WWOX: variants seen among roughly 807,000 people sequenced by gnomAD.
The protein encoded by WWOX is WW domain-containing oxidoreductase.
In WWOX, 69 loss-of-function variants were observed where a neutral mutation model predicts 46.2. The ratio of observed to expected loss-of-function variants is 1.49; its 90% CI spans 1.23 to 1.82. The LOEUF is 1.82. WWOX is among the 40% of genes most tolerant of loss of function. The probability of loss-of-function intolerance (pLI) is 0.00; values close to 1 mark genes in which losing one functional copy is unlikely to be tolerated. For missense variants in WWOX, 919 were observed against 542.6 expected (o/e 1.69, Z -6.89); for synonymous variants, 359 against 202.6 (o/e 1.77, Z -6.56).
At chr16:78,743,270 C>G (rs1249538597) in intron 8 of WWOX, among the ~76,000 whole-genome samples, 1 of 152,136 alleles carries the variant, frequency 6.6e-6, no homozygotes, top group Admixed American at 6.5e-5. Context: ...GAGATTGGCC[C>G]TGTGTATCCC....
intron 8 of WWOX, among the ~76,000 whole-genome samples, chr16:79,108,537 G>T (rs2049354021): frequency 6.6e-6 from 1 of 152,190 alleles, no homozygotes; most frequent in Non-Finnish European, 1.5e-5. Context: ...CACCATCTGG[G>T]CACTTCATAT....
rs1312607427 is a variant in WWOX at position 78,348,674 on chromosome 16, T to TC, written c.517-38185dup. 1.7e-5 allele frequency among the ~76,000 whole-genome samples: 2 copies of TC among 119,410 alleles called. 1 individual carries two copies. Among genetic ancestry groups the TC allele is most frequent in the Non-Finnish European group, 4.0e-5 (2 of 50,116 alleles). 78.3% of individuals were successfully genotyped at this position (119,410 alleles called of 152,430 possible). ...GCTTTCCCCATGTTGCCCAGGCTGG[T>TC]CTCTAACTCCTGAGCTCAAGAGATC... is the stretch of plus-strand genomic sequence containing the variant. On this transcript the variant is annotated intron_variant, in intron 5 of 8. Transcript: ENST00000566780.
chr16:78,376,946 G>C (rs997034508), intron 5 of WWOX, among the ~76,000 whole-genome samples: 2 of 152,140 alleles, frequency 1.3e-5, no homozygotes, highest in African/African-American at 4.8e-5. Context: ...TCTTGTTTTT[G>C]TCTTTTTATT....
chr16:79,022,045 G>T (rs1263332302), intron 8 of WWOX, among the ~76,000 whole-genome samples: 1 of 152,222 alleles, frequency 6.6e-6, no homozygotes, highest in Non-Finnish European at 1.5e-5. Context: ...ATAGGAGAGG[G>T]TTAGGCAAAG....
At chr16:78,795,463 C>T (rs962210254) in intron 8 of WWOX, among the ~76,000 whole-genome samples, 1 of 151,518 alleles carries the variant, frequency 6.6e-6, no homozygotes, top group African/African-American at 2.4e-5. Context: ...TGTCTTCAAC[C>T]TCCATCTAGA....
At chr16:78,652,727 A>G (rs1363648236) in intron 8 of WWOX, among the ~76,000 whole-genome samples, 1 of 152,152 alleles carries the variant, frequency 6.6e-6, no homozygotes, top group Non-Finnish European at 1.5e-5. Context: ...TTTCAGATTT[A>G]GGTTCTTCTG....
chr16:78,990,676 A>G (rs2046869800), intron 8 of WWOX, among the ~76,000 whole-genome samples: 1 of 152,050 alleles, frequency 6.6e-6, no homozygotes, highest in African/African-American at 2.4e-5. Flanking sequence ...AAAAAGAGAG[A>G]GGGAGAAGCA....
intron 8 of WWOX, among the ~76,000 whole-genome samples, chr16:78,997,863 G>A (rs918109290): frequency 1.7e-4 from 26 of 152,056 alleles, no homozygotes; most frequent in African/African-American, 6.3e-4. Context: ...GCAGCCTAAT[G>A]TTTAGCTTCC....
At chr16:78,694,684 A>C (rs953941874) in intron 8 of WWOX, among the ~76,000 whole-genome samples, 17 of 152,342 alleles carry the variant, frequency 1.1e-4, no homozygotes, top group Admixed American at 3.3e-4. Flanking sequence ...AGACCATGAA[A>C]AGACAGAAGC....
chr16:79,170,404 C>T (rs73582769), intron 8 of WWOX, among the ~76,000 whole-genome samples: 1 of 152,294 alleles, frequency 6.6e-6, no homozygotes, highest in Non-Finnish European at 1.5e-5. Flanking sequence ...TCTTTTGCCT[C>T]CTAATACATT....
intron 8 of WWOX, among the ~76,000 whole-genome samples, chr16:78,464,047 T>C (rs148835590): frequency 6.6e-6 from 1 of 152,188 alleles, no homozygotes; most frequent in Non-Finnish European, 1.5e-5. Flanking sequence ...GTAGAGGAGA[T>C]GAAGCTGATC....
At chr16:78,747,666 C>T (rs942218194) in intron 8 of WWOX, among the ~76,000 whole-genome samples, 4 of 152,128 alleles carry the variant, frequency 2.6e-5, no homozygotes, top group Non-Finnish European at 4.4e-5. Context: ...TGAGCACTTA[C>T]CACTTTCTGA....
rs145114262 is a variant in WWOX, at chr16:78,783,876, C to T, written c.1056+351124C>T. Reference sequence around the variant, plus strand: ...GATATGACGCTGATGATGGTGATGACGATGATAATGGTGATGATGGTGATG... The same window carrying T: ...GATATGACGCTGATGATGGTGATGATGATGATAATGGTGATGATGGTGATG... On this transcript the variant is annotated intron_variant, in intron 8 of 8. Transcript: ENST00000566780. Among the ~76,000 whole-genome samples, 414 of 89,278 alleles carry T rather than the reference C, an allele frequency of 4.6e-3. 2 individuals carry two copies. Among genetic ancestry groups the T allele is most frequent in the African/African-American group, 0.019 (392 of 21,108 alleles). 58.6% of individuals were successfully genotyped at this position (89,278 alleles called of 152,430 possible).
chr16:78,924,259 A>C (rs923097197), intron 8 of WWOX, among the ~76,000 whole-genome samples: 2 of 152,168 alleles, frequency 1.3e-5, no homozygotes, highest in Non-Finnish European at 2.9e-5. Flanking sequence ...AGAACTTTAT[A>C]ATGTGGTTAG....
rs561491871 is a variant in WWOX, at chr16:79,076,610, A to C, written c.1057-134998A>C. Among the ~76,000 whole-genome samples, 283 of 152,276 alleles carry C rather than the reference A, an allele frequency of 1.9e-3. 2 individuals carry two copies. The highest frequency in any genetic ancestry group is 6.5e-3 in the African/African-American group (271 of 41,560). On this transcript the variant is annotated intron_variant, in intron 8 of 8. Coordinates refer to ENST00000566780, the MANE Select transcript of WWOX (RefSeq NM_016373.4). ...CCAGGCCCCTTCATGACCCAGTCACAGTGATTCTATCTGTACCTACCACAG... is the reference window on the plus strand; with the variant it reads ...CCAGGCCCCTTCATGACCCAGTCACCGTGATTCTATCTGTACCTACCACAG...
intron 8 of WWOX, among the ~76,000 whole-genome samples, chr16:78,963,801 C>T (rs1015473433): frequency 2.0e-5 from 3 of 152,128 alleles, no homozygotes; most frequent in Non-Finnish European, 2.9e-5. Context: ...TTGGCTGTGT[C>T]CCCACCCAAA....
chr16:79,115,267 T>A (rs1429097468), intron 8 of WWOX, among the ~76,000 whole-genome samples: 1 of 152,248 alleles, frequency 6.6e-6, no homozygotes, highest in Non-Finnish European at 1.5e-5. Context: ...CTCATAGGGA[T>A]GCATGTAGCC....
intron 8 of WWOX, among the ~76,000 whole-genome samples, chr16:79,071,603 A>G (rs991263786): frequency 2.0e-5 from 3 of 152,188 alleles, no homozygotes; most frequent in African/African-American, 4.8e-5. Context: ...CTCCTGTCCC[A>G]TTACACGCTC....
At chr16:79,079,595 T>G (rs538987650) in intron 8 of WWOX, among the ~76,000 whole-genome samples, 12 of 152,344 alleles carry the variant, frequency 7.9e-5, no homozygotes, top group African/African-American at 2.4e-4. Flanking sequence ...TCTGAAACTT[T>G]CCTTAAATGT....
Sources: allele counts gnomAD v4.1 joint callset (sites outside exome capture counted in the v4.1 genomes callset), GRCh38; gene constraint gnomAD v4.1.1; transcripts MANE v1.5; gene names NCBI Gene and HGNC (gene_info 2026-07-23, HGNC 2026-07-21).